The following TMEM235 variants were observed in gnomAD, a reference collection of about 807,000 sequenced individuals.
The protein encoded by TMEM235 is transmembrane protein 235.
Under a neutral mutation model 22.9 loss-of-function variants are expected in TMEM235, and 23 were observed. That is an observed-to-expected ratio of 1.00 (90% CI 0.72 to 1.42). TMEM235 has a LOEUF of 1.42. TMEM235 is among the 40% of genes most tolerant of loss of function. The pLI, the probability that TMEM235 is intolerant of heterozygous loss-of-function variation, is 0.00. For missense variants in TMEM235, 308 were observed against 299.5 expected (o/e 1.03, Z -0.21); for synonymous variants, 137 against 140.5 (o/e 0.98, Z 0.17).
At chr17:78,239,106 G>A (rs768722201) in exon 5 of TMEM235, 30 of 1,543,744 alleles carry the variant, frequency 1.9e-5, no homozygotes, top group Middle Eastern at 1.7e-4. Flanking sequence ...AGTATGGCCC[G>A]CAGCACATGC....
In TMEM235 at chr17:78,239,281, G is replaced by A. The variant is rs1356226509; in HGVS notation, c.659+8G>A. 10 of 1,537,134 alleles carry A rather than the reference G, an allele frequency of 6.5e-6. No individual in the cohort carries two copies. On this transcript the variant is annotated splice_region_variant and intron_variant, in intron 5 of 5. Transcript: ENST00000421688. ...CCAGCAGGTGGGAGGGAGGTAAGAG[G>A]GGGCTGGGTTTCCCTTTGCACCTCC...
At chr17:78,239,884 C>G (rs886105440) in exon 6 of TMEM235, 3 of 1,551,378 alleles carry the variant, frequency 1.9e-6, no homozygotes, top group Non-Finnish European at 2.6e-6. Context: ...GTTCTGTCCA[C>G]TCTCCCCGAA....
At chr17:78,232,170 A>C in exon 2 of TMEM235, 1 of 1,487,726 alleles carries the variant, frequency 6.7e-7, no homozygotes, top group Non-Finnish European at 8.9e-7. Flanking sequence ...CCGGGCGCGC[A>C]GAGCTGCTCT....
chr17:78,231,831 G>A (rs926771459), exon 2 of TMEM235: 5 of 1,198,250 alleles, frequency 4.2e-6, no homozygotes, highest in Non-Finnish European at 5.3e-6. Flanking sequence ...ACCGCAGAGA[G>A]GTGGGGTCGA....
chr17:78,232,254 C>T (rs2076590949), intron 2 of TMEM235, 41 bp downstream of exon 1: 1 of 1,415,656 alleles, frequency 7.1e-7, no homozygotes, highest in Non-Finnish European at 9.2e-7. Flanking sequence ...TCCGCGACCT[C>T]GTCCCTCCGA....
chr17:78,238,933 C>T lies in TMEM235; in HGVS notation c.410-91C>T. On this transcript the variant is annotated intron_variant, in intron 4 of 5. Coordinates refer to ENST00000421688, the Ensembl canonical transcript of TMEM235. This position sits in a 1 kb window ranked among gnomAD's most constrained non-coding sequence, Gnocchi z 4.3. Reference sequence around the variant, plus strand: ...AGCTCTGCCTGAATGCTAGCGGGGCCGGGGATGCTGAGGCCATGTCTGCAG... The same window carrying T: ...AGCTCTGCCTGAATGCTAGCGGGGCTGGGGATGCTGAGGCCATGTCTGCAG... 17 of 1,464,282 alleles carry T rather than the reference C, an allele frequency of 1.2e-5. No homozygotes were observed. The highest frequency in any genetic ancestry group is 9.5e-5 in the South Asian group (7 of 73,352). 90.7% of individuals were successfully genotyped at this position (1,464,282 alleles called of 1,614,324 possible).
chr17:78,233,836 T>C, intron 2 of TMEM235, 59 bp from the exon 2 acceptor site: 1 of 1,501,308 alleles, frequency 6.7e-7, no homozygotes, highest in Non-Finnish European at 8.9e-7. Context: ...TGGGCTCGGG[T>C]AGGCTGCTGG....
At position 78,234,539 on chromosome 17, in the gene TMEM235, G is replaced by C. The variant is rs1439182993; in HGVS notation, c.272-54G>C. On this transcript the variant is annotated intron_variant, in intron 3 of 5. Coordinates refer to ENST00000421688, the Ensembl canonical transcript of TMEM235. Reference sequence around the variant, plus strand: ...CACGTCACTGTCCTCCGGCAGACAAGTGCTGAAGGGCCCACCTGGACCAGA... The same window carrying C: ...CACGTCACTGTCCTCCGGCAGACAACTGCTGAAGGGCCCACCTGGACCAGA... 4 of 1,532,654 alleles carry C rather than the reference G, an allele frequency of 2.6e-6. No homozygotes were observed. In the African/African-American group the frequency reaches 5.5e-5, roughly 21 times the overall value. The allele number at this position is 1,532,654 out of a possible 1,614,324, so 94.9% of individuals were successfully genotyped here.
exon 2 of TMEM235, chr17:78,231,514 C>A: frequency 7.7e-7 from 1 of 1,304,220 alleles, no homozygotes; most frequent in Non-Finnish European, 1.0e-6. Flanking sequence ...CAGACCAGGA[C>A]CCCAGGGCCA....
exon 5 of TMEM235, chr17:78,239,114 T>C: frequency 6.5e-7 from 1 of 1,543,880 alleles, no homozygotes; most frequent in Non-Finnish European, 8.7e-7. Context: ...CCGCAGCACA[T>C]GCAGGGCGTC....
At chr17:78,239,082 G>T in exon 5 of TMEM235, 1 of 1,544,466 alleles carries the variant, frequency 6.5e-7, no homozygotes. Context: ...TGGCCTTTGC[G>T]GAGACGGTGC....
exon 5 of TMEM235, chr17:78,239,135 T>C (rs1430646599): frequency 6.5e-7 from 1 of 1,543,074 alleles, no homozygotes; most frequent in Non-Finnish European, 8.7e-7. Flanking sequence ...CGCGTCAGCT[T>C]CGGCTGGTCC....
In TMEM235 at chr17:78,238,884, C is replaced by T; in HGVS notation, c.410-140C>T. On this transcript the variant is annotated intron_variant, in intron 4 of 5. Transcript: ENST00000421688. This position sits in a 1 kb window ranked among gnomAD's most constrained non-coding sequence, Gnocchi z 4.3. The stretch of plus-strand genomic sequence containing the variant: ...GACAGCCAGGCAGGGCTAACCATGA[C>T]AGGAAGGGCGGTGTGCTGCCTGCAG... 5.3e-6 allele frequency: 7 copies of T among 1,331,320 alleles called. No homozygotes were observed. Among genetic ancestry groups the T allele is most frequent in the South Asian group, 1.5e-5 (1 of 66,108 alleles). 82.5% of individuals were successfully genotyped at this position (1,331,320 alleles called of 1,614,324 possible).
Position 78,240,136 on chromosome 17 carries a change from G to T in TMEM235, c.*344G>T. 6 of 1,209,140 alleles carry T rather than the reference G, an allele frequency of 5.0e-6. 1 individual carries two copies. The highest frequency in any genetic ancestry group is 3.2e-5 in the South Asian group (2 of 63,174). 74.9% of individuals were successfully genotyped at this position (1,209,140 alleles called of 1,614,324 possible). A position where few individuals can be genotyped will look rare whatever the true frequency, so the allele number is the denominator to read the frequency against. On this transcript the variant is annotated 3_prime_UTR_variant, in exon 6 of 6. Transcript: ENST00000421688. ...CGACCCTTCCTCTCTGCAGCAACCC[G>T]GGGGAGGTATGCCACTGTGAGTGCC...
At position 78,237,691 on chromosome 17, in the gene TMEM235, G is replaced by A. The variant is rs1179867263; in HGVS notation, c.410-1333G>A. Among the ~76,000 whole-genome samples, 2 of 151,962 alleles carry A rather than the reference G, an allele frequency of 1.3e-5. No individual in the cohort carries two copies. Among genetic ancestry groups the A allele is most frequent in the Non-Finnish European group, 2.9e-5 (2 of 67,954 alleles). On this transcript the variant is annotated intron_variant, in intron 4 of 5. Transcript: ENST00000421688. This position sits in a 1 kb window ranked among gnomAD's most constrained non-coding sequence, Gnocchi z 4.7. ...ACCTCCTGCCGCACGGTCAGCCCCC[G>A]CTGCTGGGGGCTGACCCCCACCCCT... is the stretch of plus-strand genomic sequence containing the variant.
At chr17:78,232,448 C>T (rs1235400547) in intron 2 of TMEM235, among the ~76,000 whole-genome samples, 2 of 152,204 alleles carry the variant, frequency 1.3e-5, no homozygotes, top group Non-Finnish European at 2.9e-5. Context: ...CCCTCACAGC[C>T]GGAGGAGGGG....
exon 2 of TMEM235, chr17:78,232,002 TCCCCTCCCGCCGGCCG>T: frequency 8.4e-7 from 1 of 1,195,474 alleles, no homozygotes; most frequent in Non-Finnish European, 1.0e-6. Flanking sequence ...CCCCGACCCG[TCCCCTCCCGCCGGCCG>T]CCCCCATGGC....
intron 2 of TMEM235, 146 bp downstream of exon 1, chr17:78,232,359 C>T: frequency 1.3e-6 from 1 of 786,422 alleles, no homozygotes; most frequent in South Asian, 2.5e-5. Context: ...TGTCTCTCCG[C>T]TCCCTCCCCA....
intron 3 of TMEM235, chr17:78,234,260 C>T (rs967978155): frequency 3.8e-5 from 26 of 688,758 alleles, no homozygotes; most frequent in Non-Finnish European, 6.4e-5. Context: ...CTGGATCCTG[C>T]GGGCCTTGCA....
Sources: gnomAD v4.1 joint callset for allele counts (sites outside exome capture counted in the v4.1 genomes callset) on GRCh38, gnomAD v4.1.1 for gene constraint, Gnocchi (gnomAD v3.1) non-coding constraint, MANE v1.5 for transcripts, NCBI Gene and HGNC (gene_info 2026-07-23, HGNC 2026-07-21) for gene names.